Variants in CLDN10 observed in about 807,000 individuals in gnomAD.
CLDN10 encodes claudin 10.
CLDN10 carries 15 observed loss-of-function variants against 22.9 expected under a neutral mutation model. The observed-to-expected ratio is 0.65, with a 90% CI of 0.44 to 1.01. CLDN10 has a LOEUF of 1.01. Ranked by LOEUF, CLDN10 falls within the 50% of genes least tolerant of loss-of-function variation. CLDN10 has a pLI of 0.00. For synonymous variants in CLDN10, 114 were observed against 111.4 expected (o/e 1.02, Z -0.15); for missense variants, 247 against 287.8 (o/e 0.86, Z 1.03).
intron 3 of CLDN10, among the ~76,000 whole-genome samples, chr13:95,575,031 ATAAT>A (rs1320726842): frequency 1.3e-5 from 2 of 152,076 alleles, no homozygotes; most frequent in Admixed American, 1.3e-4. Flanking sequence ...GCCACTATTA[ATAAT>A]TAGATATTTA....
rs200365075 is a variant in CLDN10 at position 95,564,982 on chromosome 13, T to C, written c.464+4519T>C. Among the ~76,000 whole-genome samples the C allele has an allele frequency of 1.1e-4, 17 of 152,360 alleles. No homozygotes were observed. In the East Asian group the frequency reaches 2.3e-3, roughly 21 times the overall value. On this transcript the variant is annotated intron_variant, in intron 3 of 4. Coordinates refer to ENST00000299339, the MANE Select transcript of CLDN10 (RefSeq NM_006984.5). ...GCTATTTCTCTATTTTTCCCTTTTG[T>C]TTTGCTTTTTTTCATTCGAGCTATG...
chr13:95,556,052 CTT>C (rs531808961), intron 1 of CLDN10, among the ~76,000 whole-genome samples: 3 of 146,416 alleles, frequency 2.0e-5, no homozygotes, highest in African/African-American at 5.0e-5. Flanking sequence ...AATTTCTTTT[CTT>C]TTTTTTTTTG....
intron 3 of CLDN10, 93 bp downstream of exon 3, chr13:95,560,556 T>C: frequency 1.0e-6 from 1 of 982,934 alleles, no homozygotes; most frequent in Non-Finnish European, 1.5e-6. Flanking sequence ...ATATGACTTT[T>C]GAAAGTAAGA....
At chr13:95,481,544 G>A (rs548316580) in intron 1 of CLDN10, among the ~76,000 whole-genome samples, 1 of 152,150 alleles carries the variant, frequency 6.6e-6, no homozygotes, top group Non-Finnish European at 1.5e-5. Flanking sequence ...AGGGCCATGT[G>A]GTTTCTGTGG....
chr13:95,563,948 C>A (rs1223986209), intron 3 of CLDN10, among the ~76,000 whole-genome samples: 1 of 152,146 alleles, frequency 6.6e-6, no homozygotes, highest in Non-Finnish European at 1.5e-5. Flanking sequence ...ATCTTTAAAG[C>A]AATATTTTAT....
At chr13:95,572,268 TGTTGC>T (rs1333773630) in intron 3 of CLDN10, among the ~76,000 whole-genome samples, 2 of 152,164 alleles carry the variant, frequency 1.3e-5, no homozygotes, top group African/African-American at 4.8e-5. Flanking sequence ...ACTAAAAATA[TGTTGC>T]ATTGATTGGG....
intron 1 of CLDN10, among the ~76,000 whole-genome samples, chr13:95,502,402 G>C (rs535154915): frequency 1.3e-5 from 2 of 152,302 alleles, no homozygotes; most frequent in South Asian, 4.1e-4. Flanking sequence ...ACAAACCTGT[G>C]AATCAGCCTA....
At chr13:95,450,077 G>A (rs1026994889) in intron 1 of CLDN10, among the ~76,000 whole-genome samples, 5 of 151,970 alleles carry the variant, frequency 3.3e-5, no homozygotes, top group Non-Finnish European at 7.4e-5. Flanking sequence ...TTCTCCCTAT[G>A]TTGCCCAGGT....
intron 3 of CLDN10, among the ~76,000 whole-genome samples, chr13:95,571,849 T>C (rs1049966448): frequency 1.3e-5 from 2 of 152,206 alleles, no homozygotes; most frequent in African/African-American, 2.4e-5. Flanking sequence ...AAAAAACCTA[T>C]GTAGTTATTT....
At chr13:95,442,562 C>T (rs573228166) in intron 1 of CLDN10, among the ~76,000 whole-genome samples, 149 of 152,268 alleles carry the variant, frequency 9.8e-4, no homozygotes, top group African/African-American at 3.3e-3. Flanking sequence ...GTCAATCACA[C>T]GTTCTAATAG....
intron 1 of CLDN10, among the ~76,000 whole-genome samples, chr13:95,436,336 A>T (rs984964775): frequency 6.6e-6 from 1 of 152,152 alleles, no homozygotes; most frequent in East Asian, 1.9e-4. Context: ...AGTGCATGCC[A>T]CAACACTTGG....
chr13:95,468,725 CA>C (rs113144254), intron 1 of CLDN10, among the ~76,000 whole-genome samples: 62 of 137,570 alleles, frequency 4.5e-4, no homozygotes, highest in Admixed American at 4.4e-4. Context: ...GACCCTGTCT[CA>C]AAAAAAAAAA....
chr13:95,552,369 G>A (rs1165269001), upstream of CLDN10, among the ~76,000 whole-genome samples: 1 of 151,576 alleles, frequency 6.6e-6, no homozygotes, highest in Non-Finnish European at 1.5e-5. Flanking sequence ...CTTGGGTAGG[G>A]CTGGGTGGGG....
intron 1 of CLDN10, among the ~76,000 whole-genome samples, chr13:95,449,291 G>T (rs539292075): frequency 7.6e-4 from 115 of 151,934 alleles, no homozygotes; most frequent in Admixed American, 1.8e-3. Flanking sequence ...TCGCTCTGTT[G>T]CCCAGGCTGG....
At chr13:95,574,498 G>C (rs1474790219) in intron 3 of CLDN10, among the ~76,000 whole-genome samples, 3 of 152,184 alleles carry the variant, frequency 2.0e-5, no homozygotes, top group African/African-American at 4.8e-5. Context: ...GGCCACGTGT[G>C]GTGGTTCACA....
intron 3 of CLDN10, among the ~76,000 whole-genome samples, chr13:95,566,943 T>A (rs1036558474): frequency 1.3e-5 from 2 of 152,206 alleles, no homozygotes; most frequent in Non-Finnish European, 2.9e-5. Flanking sequence ...ATGTGTGGTG[T>A]TATTTCTGAG....
chr13:95,534,554 A>G (rs1488271588), intron 1 of CLDN10, among the ~76,000 whole-genome samples: 1 of 152,198 alleles, frequency 6.6e-6, no homozygotes, highest in Non-Finnish European at 1.5e-5. Context: ...AAAAAAATCA[A>G]TTCTCCATCT....
chr13:95,543,959 A>G (rs534968552), intron 1 of CLDN10, among the ~76,000 whole-genome samples: 37 of 152,160 alleles, frequency 2.4e-4, no homozygotes, highest in Non-Finnish European at 4.7e-4. Context: ...ATGTAAGAAG[A>G]TTATACTCAA....
intron 1 of CLDN10, among the ~76,000 whole-genome samples, chr13:95,464,702 C>T (rs2042567882): frequency 2.0e-5 from 3 of 151,564 alleles, no homozygotes; most frequent in African/African-American, 7.3e-5. Context: ...AGACGCCATG[C>T]TGCAGTGCTG....
Sources: allele counts gnomAD v4.1 joint callset (sites outside exome capture counted in the v4.1 genomes callset), GRCh38; gene constraint gnomAD v4.1.1; transcripts MANE v1.5; gene names NCBI Gene and HGNC (gene_info 2026-07-23, HGNC 2026-07-21).